TTC7A: variants seen among roughly 807,000 people sequenced by gnomAD.
The protein encoded by TTC7A is tetratricopeptide repeat protein 7A.
In TTC7A, 110 loss-of-function variants were observed where a neutral mutation model predicts 103.7. The ratio of observed to expected loss-of-function variants is 1.06; its 90% confidence interval spans 0.91 to 1.24. TTC7A has a LOEUF of 1.24. Ranked by LOEUF, TTC7A falls within the 50% of genes most tolerant of loss-of-function variation. The pLI, the probability that TTC7A is intolerant of heterozygous loss-of-function variation, is 0.00. For missense variants in TTC7A, 1,340 were observed against 1,116.3 expected (o/e 1.20, Z -2.86); for synonymous variants, 521 against 467.9 (o/e 1.11, Z -1.47).
At chr2:47,054,266 G>A (rs1433976977) in intron 18 of TTC7A, 2 of 654,378 alleles carry the variant, frequency 3.1e-6, no homozygotes, top group Non-Finnish European at 3.8e-6. Context: ...ACAGTTTACA[G>A]TTTACAGATG....
intron 2 of TTC7A, among the ~76,000 whole-genome samples, chr2:46,933,461 T>G (rs1219569712): frequency 6.6e-6 from 1 of 152,234 alleles, no homozygotes; most frequent in Non-Finnish European, 1.5e-5. Flanking sequence ...TAGGACTTCA[T>G]CTCTTAGCGT....
chr2:47,037,119 C>T (rs1300212780), intron 15 of TTC7A, among the ~76,000 whole-genome samples: 1 of 152,222 alleles, frequency 6.6e-6, no homozygotes, highest in Admixed American at 6.5e-5. Context: ...TCAGAGGACC[C>T]CCTCAGGTCC....
intron 11 of TTC7A, among the ~76,000 whole-genome samples, chr2:47,018,348 C>T (rs114620838): frequency 0.015 from 2,257 of 151,042 alleles, 57 homozygotes; most frequent in African/African-American, 0.052. Context: ...TTTTGGAGGC[C>T]AATGCAGGTG....
At chr2:47,061,532 C>G (rs1189148432) in intron 19 of TTC7A, among the ~76,000 whole-genome samples, 2 of 152,274 alleles carry the variant, frequency 1.3e-5, no homozygotes, top group African/African-American at 4.8e-5. Flanking sequence ...GCCCCTGGTC[C>G]TCATTCATGG....
chr2:46,926,310 T>C (rs1669380781), intron 2 of TTC7A, among the ~76,000 whole-genome samples: 1 of 152,204 alleles, frequency 6.6e-6, no homozygotes, highest in Non-Finnish European at 1.5e-5. Flanking sequence ...GGTACTGTGC[T>C]AAACAGTGGA....
chr2:46,992,430 A>T (rs894010547), intron 5 of TTC7A, among the ~76,000 whole-genome samples: 2 of 152,220 alleles, frequency 1.3e-5, no homozygotes, highest in East Asian at 1.9e-4. Flanking sequence ...CTTTTGAAGG[A>T]TGAAGTGGGG....
chr2:47,068,882 A>AC (rs1684414368), intron 19 of TTC7A, among the ~76,000 whole-genome samples: 1 of 31,122 alleles, frequency 3.2e-5, no homozygotes, highest in South Asian at 1.1e-3. Flanking sequence ...AAAAAAAAAA[A>AC]AAAAAGAAAG....
At chr2:47,069,108 G>A (rs990520414) in intron 19 of TTC7A, among the ~76,000 whole-genome samples, 1 of 152,110 alleles carries the variant, frequency 6.6e-6, no homozygotes, top group East Asian at 1.9e-4. Context: ...GACCTGGAGG[G>A]CTGGGCCAGG....
intron 19 of TTC7A, among the ~76,000 whole-genome samples, chr2:47,069,916 G>C (rs1021718513): frequency 6.6e-6 from 1 of 152,152 alleles, no homozygotes; most frequent in African/African-American, 2.4e-5. Context: ...AGCTGGAAAG[G>C]CTGTTACAGA....
chr2:46,921,279 G>A lies in TTC7A; in HGVS notation c.82+4002G>A, dbSNP rs116117773. Among the ~76,000 whole-genome samples the A allele has an allele frequency of 7.6e-3, 1,154 of 152,178 alleles. 5 individuals carry two copies. Among genetic ancestry groups the A allele is most frequent in the South Asian group, 0.013 (61 of 4,820 alleles). ...ATGCACATAGAAAATCCTAAATAAC[G>A]TAGAAAAAAGCTACTAGAGCTATTG... On this transcript the variant is annotated intron_variant, in intron 2 of 20. Transcript: ENST00000409245.
intron 1 of TTC7A, among the ~76,000 whole-genome samples, chr2:46,943,137 A>G (rs896806707): frequency 6.6e-6 from 1 of 152,086 alleles, no homozygotes; most frequent in African/African-American, 2.4e-5. Flanking sequence ...AACTAGGCTG[A>G]AGCATTCCGC....
chr2:46,944,021 G>A (rs1390452972), intron 1 of TTC7A, among the ~76,000 whole-genome samples: 4 of 152,152 alleles, frequency 2.6e-5, no homozygotes, highest in African/African-American at 7.2e-5. Context: ...CCCTTTTCCT[G>A]TCTAAGGTTG....
chr2:46,959,467 AG>A (rs1336200279), intron 3 of TTC7A, among the ~76,000 whole-genome samples: 2 of 152,160 alleles, frequency 1.3e-5, no homozygotes, highest in African/African-American at 2.4e-5. Context: ...GGAGGAGGAC[AG>A]GGCCTGTGTG....
chr2:46,975,896 C>T (rs559463481), intron 4 of TTC7A, among the ~76,000 whole-genome samples: 148 of 152,194 alleles, frequency 9.7e-4, no homozygotes, highest in South Asian at 2.1e-3. Flanking sequence ...GCCACCGTGC[C>T]CTTCTAATTT....
At chr2:47,008,218 G>C (rs1338957210) in intron 10 of TTC7A, among the ~76,000 whole-genome samples, 1 of 152,216 alleles carries the variant, frequency 6.6e-6, no homozygotes, top group African/African-American at 2.4e-5. Context: ...GAGAGGCCTA[G>C]GGCCAGAGCA....
Position 47,006,497 on chromosome 2 carries a change from G to T in TTC7A, c.1204-144G>T, listed in dbSNP as rs947271125. On this transcript the variant is annotated intron_variant, in intron 9 of 19. Coordinates refer to ENST00000319190, the MANE Select transcript of TTC7A (RefSeq NM_020458.4). ...AGCCAGGGGCAGGAACTGGGTTTCG[G>T]CAGGGTGTCTCCCAGGAGCCAAGTG... 20 of 716,108 alleles carry T rather than the reference G, an allele frequency of 2.8e-5. No homozygotes were observed. The African/African-American group carries it at 3.1e-4, about 11-fold the overall frequency. The allele number at this position is 716,108 out of a possible 1,614,324, so 44.4% of individuals were successfully genotyped here. A position where few individuals can be genotyped will look rare whatever the true frequency, so the allele number is the denominator to read the frequency against.
At chr2:46,960,158 G>A (rs1672244212) in intron 3 of TTC7A, among the ~76,000 whole-genome samples, 1 of 152,174 alleles carries the variant, frequency 6.6e-6, no homozygotes, top group African/African-American at 2.4e-5. Flanking sequence ...CTGGGAGGTG[G>A]GCTGGGCCCT....
At chr2:47,067,685 C>T (rs1684294931) in intron 19 of TTC7A, 1 of 152,234 alleles carries the variant, frequency 6.6e-6, no homozygotes, top group Admixed American at 6.5e-5. Context: ...TCTGTAACCT[C>T]TCAGAACTTC....
chr2:46,993,462 G>A lies in TTC7A; in HGVS notation c.777G>A (p.Lys259=), dbSNP rs376977004. Residue 259 remains lysine (K), a synonymous_variant, in exon 6 of 20, where the codon AAG becomes AAA. Transcript: ENST00000319190. The stretch of plus-strand genomic sequence containing the variant: ...GTCCTCCCACCAGGAACATCGTGAA[G>A]GGCATGAGAGAGCTCCGGGAGGTGC... The part of the protein sequence containing the change: ...VKNLKKGNIV[K]GMRELREVLR... 2.5e-6 allele frequency: 4 copies of A among 1,614,110 alleles called. No homozygotes were observed. In the African/African-American group the frequency reaches 5.3e-5, roughly 22 times the overall value.
Sources: gnomAD v4.1 joint callset for allele counts (sites outside exome capture counted in the v4.1 genomes callset) on GRCh38, gnomAD v4.1.1 for gene constraint, MANE v1.5 for transcripts, NCBI Gene and HGNC (gene_info 2026-07-23, HGNC 2026-07-21) for gene names.